The following RNGTT variants were observed in gnomAD, a reference collection of about 807,000 sequenced individuals.
RNGTT encodes the protein RNA guanylyltransferase and 5'-phosphatase, also known as mRNA-capping enzyme.
Under a neutral mutation model 79.3 loss-of-function variants are expected in RNGTT, and 33 were observed. The ratio of observed to expected loss-of-function variants is 0.42; its 90% CI spans 0.32 to 0.56. The LOEUF is 0.56. Among genes scored for constraint, RNGTT ranks in the 20% least tolerant of loss-of-function variants. The probability of loss-of-function intolerance (pLI) is 0.17; values close to 1 mark genes in which losing one functional copy is unlikely to be tolerated. For missense variants in RNGTT, 497 were observed against 739.1 expected, an observed-to-expected ratio of 0.67 and a Z score of 3.80; for synonymous variants, 222 against 235.9, an observed-to-expected ratio of 0.94 and a Z score of 0.54.
intron 14 of RNGTT, among the ~76,000 whole-genome samples, chr6:88,635,780 C>T (rs1174581913): frequency 1.3e-5 from 2 of 151,914 alleles, no homozygotes; most frequent in Non-Finnish European, 2.9e-5. Context: ...GTTCTGAATT[C>T]TGTGGTATAA....
chr6:88,807,522 C>T (rs1252823514), intron 11 of RNGTT, among the ~76,000 whole-genome samples: 1 of 150,528 alleles, frequency 6.6e-6, no homozygotes, highest in Admixed American at 6.6e-5. Context: ...AACTGAAATA[C>T]AAAAAGAAAA....
intron 14 of RNGTT, among the ~76,000 whole-genome samples, chr6:88,651,461 T>C (rs1465623711): frequency 6.6e-6 from 1 of 152,152 alleles, no homozygotes; most frequent in African/African-American, 2.4e-5. Flanking sequence ...GCTGGGCATA[T>C]AATACTCAAC....
intron 13 of RNGTT, among the ~76,000 whole-genome samples, chr6:88,740,445 G>A (rs1562227776): frequency 1.3e-5 from 2 of 152,010 alleles, no homozygotes. Context: ...CTTGAGTCTG[G>A]GAGGTCAAGG....
intron 6 of RNGTT, among the ~76,000 whole-genome samples, chr6:88,898,254 T>G (rs1185644579): frequency 1.3e-5 from 2 of 152,192 alleles, no homozygotes; most frequent in Non-Finnish European, 2.9e-5. Flanking sequence ...AGATAAATAC[T>G]TTCCGTCCTT....
intron 4 of RNGTT, among the ~76,000 whole-genome samples, chr6:88,917,023 G>A (rs979854134): frequency 2.0e-5 from 3 of 152,108 alleles, no homozygotes; most frequent in African/African-American, 7.2e-5. Context: ...AGTAATGGTG[G>A]GGATCCACCA....
chr6:88,822,483 T>C (rs562012509), intron 11 of RNGTT, among the ~76,000 whole-genome samples: 5 of 152,344 alleles, frequency 3.3e-5, no homozygotes, highest in Non-Finnish European at 7.3e-5. Flanking sequence ...CTAAAAGTTA[T>C]TTTAGGACTG....
intron 4 of RNGTT, 75 bp from the exon 5 acceptor site, chr6:88,906,515 G>C: frequency 1.3e-6 from 1 of 777,712 alleles, no homozygotes; most frequent in Non-Finnish European, 2.0e-6. Flanking sequence ...ATTCCAACCT[G>C]CAATCAAAAC....
At chr6:88,815,968 G>T (rs1388136924) in intron 11 of RNGTT, among the ~76,000 whole-genome samples, 1 of 152,054 alleles carries the variant, frequency 6.6e-6, no homozygotes, top group Non-Finnish European at 1.5e-5. Flanking sequence ...CCTATTCTTT[G>T]TATCAATTTT....
intron 11 of RNGTT, among the ~76,000 whole-genome samples, chr6:88,811,424 G>A (rs1348801713): frequency 6.6e-6 from 1 of 152,152 alleles, no homozygotes; most frequent in Non-Finnish European, 1.5e-5. Flanking sequence ...AAAGATTGGA[G>A]GAACTGACAA....
chr6:88,629,922 C>T (rs560059359), intron 14 of RNGTT, among the ~76,000 whole-genome samples: 1 of 152,240 alleles, frequency 6.6e-6, no homozygotes, highest in East Asian at 1.9e-4. Flanking sequence ...CACTAGCATG[C>T]CTCCTTCTAA....
At chr6:88,961,495 G>A (rs1258736450) in intron 1 of RNGTT, among the ~76,000 whole-genome samples, 1 of 151,158 alleles carries the variant, frequency 6.6e-6, no homozygotes, top group Non-Finnish European at 1.5e-5. Flanking sequence ...GGAGTGCAGT[G>A]GTGCAATCTC....
In RNGTT at chr6:88,950,861, G is replaced by T. The variant is rs528310754; in HGVS notation, c.65-9681C>A. Among the ~76,000 whole-genome samples, 751 of 142,848 alleles carry T rather than the reference G, an allele frequency of 5.3e-3. 6 individuals carry two copies. Among genetic ancestry groups the T allele is most frequent in the African/African-American group, 0.018 (709 of 38,912 alleles). 93.7% of individuals were successfully genotyped at this position (142,848 alleles called of 152,430 possible). ...AAATATAAATAAATAACTGTTTTTGGTTTTTTTTTTTTTTTGAGACAGGGT... is the reference window on the plus strand; with the variant it reads ...AAATATAAATAAATAACTGTTTTTGTTTTTTTTTTTTTTTTGAGACAGGGT... On this transcript the variant is annotated intron_variant, in intron 1 of 15. Coordinates refer to ENST00000369485, the MANE Select transcript of RNGTT (RefSeq NM_003800.5).
chr6:88,729,904 T>C (rs1185751680), intron 13 of RNGTT, among the ~76,000 whole-genome samples: 2 of 152,144 alleles, frequency 1.3e-5, no homozygotes, highest in Non-Finnish European at 1.5e-5. Context: ...AAAAGAATAA[T>C]ATCCTCAATT....
intron 10 of RNGTT, among the ~76,000 whole-genome samples, chr6:88,845,038 T>A (rs1371288337): frequency 6.6e-6 from 1 of 152,158 alleles, no homozygotes; most frequent in Non-Finnish European, 1.5e-5. Context: ...ATATACTCAC[T>A]AGTCTTTTTT....
chr6:88,834,558 G>A (rs1232702384), intron 11 of RNGTT, among the ~76,000 whole-genome samples: 1 of 152,122 alleles, frequency 6.6e-6, no homozygotes, highest in Admixed American at 6.5e-5. Context: ...CATAATCACT[G>A]AAAATCTCTA....
At chr6:88,919,733 T>TTTTTTTA (rs58419557) in intron 4 of RNGTT, among the ~76,000 whole-genome samples, 11 of 142,200 alleles carry the variant, frequency 7.7e-5, no homozygotes, top group East Asian at 3.9e-4. Flanking sequence ...TTTTTTTTTT[T>TTTTTTTA]GAGACGGAGT....
intron 12 of RNGTT, among the ~76,000 whole-genome samples, chr6:88,772,417 A>C (rs1778716999): frequency 6.6e-6 from 1 of 152,172 alleles, no homozygotes; most frequent in African/African-American, 2.4e-5. Context: ...CAGAAATGAA[A>C]ATGTGCTCTT....
rs1446315486 is a variant in RNGTT, at chr6:88,838,936, AG to A, written c.1269+5420del. 2.0e-5 allele frequency among the ~76,000 whole-genome samples: 3 copies of A among 152,302 alleles called. No individual in the cohort carries two copies. The East Asian group carries it at 5.8e-4, about 29-fold the overall frequency. On this transcript the variant is annotated intron_variant, in intron 11 of 15. Transcript: ENST00000369485. ...AATAGATCAAGAGAACTGAACAGACAGTCTAGAAACAGAACCAGACATACAC... is the reference window on the plus strand; with the variant it reads ...AATAGATCAAGAGAACTGAACAGACATCTAGAAACAGAACCAGACATACAC...
intron 13 of RNGTT, among the ~76,000 whole-genome samples, chr6:88,725,887 G>A (rs942327904): frequency 2.6e-5 from 4 of 151,990 alleles, no homozygotes; most frequent in African/African-American, 9.7e-5. Flanking sequence ...CAGCAAAGAG[G>A]AAAGAGAAAC....
Sources: allele counts gnomAD v4.1 joint callset (sites outside exome capture counted in the v4.1 genomes callset), GRCh38; gene constraint gnomAD v4.1.1; transcripts MANE v1.5; gene names NCBI Gene and HGNC (gene_info 2026-07-23, HGNC 2026-07-21).